Variants in ACCSL observed in about 807,000 individuals in gnomAD.
ACCSL encodes the protein probable inactive 1-aminocyclopropane-1-carboxylate synthase-like protein 2.
A neutral mutation model predicts 61.7 loss-of-function variants in ACCSL; 55 were observed. The ratio of observed to expected loss-of-function variants is 0.89; its 90% confidence interval spans 0.72 to 1.12. The LOEUF is 1.12. Ranked by LOEUF, ACCSL falls within the 50% of genes most tolerant of loss-of-function variation. The pLI is 0.00. For missense variants in ACCSL, 632 were observed against 698.0 expected (o/e 0.91, Z 1.07); for synonymous variants, 258 against 264.3 (o/e 0.98, Z 0.23).
chr11:44,046,840 G>T (rs1025465180), upstream of ACCSL, among the ~76,000 whole-genome samples: 4 of 152,076 alleles, frequency 2.6e-5, no homozygotes, highest in Non-Finnish European at 5.9e-5. Flanking sequence ...CTACCTTCTG[G>T]GATCTTGCTA....
chr11:43,979,793 G>C, the ACCSL span, among the ~76,000 whole-genome samples: 2 of 149,620 alleles, frequency 1.3e-5, no homozygotes, highest in African/African-American at 5.0e-5. Flanking sequence ...GTTGCAGTGG[G>C]CTGAGATTGC....
chr11:43,985,132 C>G, the ACCSL span, among the ~76,000 whole-genome samples: 3 of 152,196 alleles, frequency 2.0e-5, no homozygotes, highest in Non-Finnish European at 4.4e-5. Context: ...TGCACCAGTA[C>G]CTGGAGTGCT....
At chr11:43,979,126 T>C in the ACCSL span, among the ~76,000 whole-genome samples, 1 of 152,250 alleles carries the variant, frequency 6.6e-6, no homozygotes, top group South Asian at 2.1e-4. Context: ...TGGTTTCTAC[T>C]TCATCAAAAC....
chr11:43,931,074 C>T, the ACCSL span, among the ~76,000 whole-genome samples: 2 of 152,214 alleles, frequency 1.3e-5, no homozygotes, highest in African/African-American at 2.4e-5. Flanking sequence ...TGTGGCCTTA[C>T]GACCCCATCA....
the ACCSL span, among the ~76,000 whole-genome samples, chr11:43,980,292 G>T: frequency 1.9e-4 from 29 of 152,324 alleles, no homozygotes; most frequent in Admixed American, 1.2e-3. Flanking sequence ...AAAAATGTGG[G>T]ATTTCTGTAG....
the ACCSL span, among the ~76,000 whole-genome samples, chr11:44,028,630 G>C: frequency 6.6e-6 from 1 of 152,300 alleles, no homozygotes; most frequent in South Asian, 2.1e-4. Flanking sequence ...GGCACAGGGA[G>C]CCCTTACCCA....
At chr11:43,925,241 C>G in the ACCSL span, 5 of 388,370 alleles carry the variant, frequency 1.3e-5, no homozygotes, top group African/African-American at 1.0e-4. Context: ...CCCTAAAGCC[C>G]TGTGGGGTGT....
the ACCSL span, among the ~76,000 whole-genome samples, chr11:43,997,842 G>A: frequency 2.0e-5 from 3 of 152,266 alleles, no homozygotes; most frequent in Admixed American, 6.5e-5. Context: ...GCAGCTCTGC[G>A]GTCCTCCTGG....
At chr11:43,956,854 GT>G in the ACCSL span, among the ~76,000 whole-genome samples, 1 of 151,982 alleles carries the variant, frequency 6.6e-6, no homozygotes, top group Non-Finnish European at 1.5e-5. Context: ...ATCTGTGGCT[GT>G]TTTTTTCCCA....
At chr11:44,052,628 T>G (rs1952646333) in intron 5 of ACCSL, 34 bp from the exon 6 acceptor site, 2 of 1,586,954 alleles carry the variant, frequency 1.3e-6, no homozygotes, top group African/African-American at 2.7e-5. Flanking sequence ...TTGGGAGACT[T>G]TGGACTGATA....
the ACCSL span, among the ~76,000 whole-genome samples, chr11:43,928,284 G>C: frequency 2.0e-5 from 3 of 152,084 alleles, no homozygotes; most frequent in South Asian, 6.2e-4. Flanking sequence ...TGGCCTGGGG[G>C]ACACCTCTAG....
chr11:43,947,747 GA>G, the ACCSL span, among the ~76,000 whole-genome samples: 5 of 27,686 alleles, frequency 1.8e-4, no homozygotes, highest in Non-Finnish European at 3.8e-4. Context: ...GAAAGAGAGA[GA>G]GAGAGAGAGA....
At chr11:43,933,628 G>A in the ACCSL span, among the ~76,000 whole-genome samples, 1 of 152,240 alleles carries the variant, frequency 6.6e-6, no homozygotes, top group Admixed American at 6.5e-5. Flanking sequence ...CTGCAAGAAA[G>A]CATGTGGGAA....
chr11:43,988,582 C>T, the ACCSL span, among the ~76,000 whole-genome samples: 1 of 151,720 alleles, frequency 6.6e-6, no homozygotes, highest in Non-Finnish European at 1.5e-5. Flanking sequence ...ACAGCTTCTC[C>T]CAGGGCAGAG....
intron 1 of ACCSL, 122 bp downstream of exon 1, chr11:44,048,662 C>T: frequency 1.0e-6 from 1 of 991,034 alleles, no homozygotes; most frequent in South Asian, 1.6e-5. Context: ...AACGGGCACT[C>T]TTGTCATCTT....
chr11:44,019,448 G>C, the ACCSL span, among the ~76,000 whole-genome samples: 1 of 152,090 alleles, frequency 6.6e-6, no homozygotes, highest in Non-Finnish European at 1.5e-5. Context: ...GTTACTGTCT[G>C]TCATTTTTAT....
upstream of ACCSL, among the ~76,000 whole-genome samples, chr11:44,046,176 G>C (rs1158328195): frequency 2.0e-5 from 3 of 152,208 alleles, no homozygotes; most frequent in African/African-American, 7.2e-5. Context: ...CAAAGTTCTT[G>C]CTTGTGGAAG....
the ACCSL span, chr11:43,943,176 G>T: frequency 4.0e-6 from 6 of 1,508,244 alleles, no homozygotes; most frequent in Admixed American, 2.3e-5. This position sits in a 1 kb window ranked among gnomAD's most constrained non-coding sequence, Gnocchi z 4.8. Flanking sequence ...GAGTGCCTGC[G>T]CCGCAGCACG....
At chr11:43,978,461 T>C in the ACCSL span, among the ~76,000 whole-genome samples, 1 of 152,156 alleles carries the variant, frequency 6.6e-6, no homozygotes, top group African/African-American at 2.4e-5. Flanking sequence ...CAATGATATA[T>C]AAAAAGTATC....
Sources: allele counts gnomAD v4.1 joint callset (sites outside exome capture counted in the v4.1 genomes callset), GRCh38; gene constraint gnomAD v4.1.1; non-coding constraint Gnocchi (gnomAD v3.1); transcripts MANE v1.5; gene names NCBI Gene and HGNC (gene_info 2026-07-23, HGNC 2026-07-21).